Variants in HTR1F observed in about 807,000 individuals in gnomAD.
The protein encoded by HTR1F is 5-hydroxytryptamine receptor 1F.
In HTR1F, 17 loss-of-function variants were observed where a neutral mutation model predicts 24.0. The observed-to-expected ratio is 0.71, with a 90% CI of 0.48 to 1.06. HTR1F has a LOEUF of 1.06. Ranked by LOEUF, HTR1F falls within the 50% of genes least tolerant of loss-of-function variation. The pLI is 0.00. For synonymous variants in HTR1F, 186 were observed against 156.8 expected, an observed-to-expected ratio of 1.19 and a Z score of -1.39; for missense variants, 391 against 427.8, an observed-to-expected ratio of 0.91 and a Z score of 0.76.
chr3:87,987,860 T>A lies in HTR1F; in HGVS notation c.-42-2848T>A, dbSNP rs1424574725. Among the ~76,000 whole-genome samples the A allele has an allele frequency of 1.2e-4, 18 of 146,172 alleles. 1 individual carries two copies. The highest frequency in any genetic ancestry group is 5.9e-4 in the East Asian group (3 of 5,118). On this transcript the variant is annotated intron_variant, in intron 2 of 2. Transcript: ENST00000319595. ...TATGTATTATATGTATATATGTATTTTATATATATATGCCAGTGTAAAATA... is the reference window on the plus strand; with the variant it reads ...TATGTATTATATGTATATATGTATTATATATATATATGCCAGTGTAAAATA...
chr3:87,940,947 T>C lies in HTR1F; in HGVS notation c.-42-49761T>C, dbSNP rs1351824277. The stretch of plus-strand genomic sequence containing the variant: ...CTGCTTCAGACACTAAGACTGCTAC[T>C]GCCGCCACTACCTGTAAACAATGAG... On this transcript the variant is annotated intron_variant, in intron 2 of 2. Transcript: ENST00000319595. Among the ~76,000 whole-genome samples the C allele has an allele frequency of 3.9e-5, 6 of 152,246 alleles. No individual in the cohort carries two copies. The East Asian group carries it at 1.2e-3, about 29-fold the overall frequency.
At chr3:87,924,092 G>T (rs903670320) in intron 2 of HTR1F, among the ~76,000 whole-genome samples, 1 of 151,996 alleles carries the variant, frequency 6.6e-6, no homozygotes, top group Non-Finnish European at 1.5e-5. Flanking sequence ...TTAAAATTTT[G>T]GTAGGATTCA....
chr3:87,991,459 G>C lies in HTR1F; in HGVS notation c.710G>C (p.Ser237Thr). ...GQVLLESGEK[S>T]TKSVSTSYVL... ...GTCCTTTTGGAGAGTGGTGAGAAAA[G>C]CACTAAATCAGTTTCCACATCCTAT... is the stretch of plus-strand genomic sequence containing the variant. The change falls in exon 3 of 3, where the codon AGC becomes ACC. Residue 237 changes from serine (S) to threonine (T), a missense_variant. Physicochemically the swap from Ser to Thr is moderately conservative, Grantham distance 58. Coordinates refer to ENST00000319595, the MANE Select transcript of HTR1F (RefSeq NM_001322209.2). 1 of 1,614,078 alleles carries C rather than the reference G, an allele frequency of 6.2e-7. No individual in the cohort carries two copies. Among genetic ancestry groups the C allele is most frequent in the Non-Finnish European group, 8.5e-7 (1 of 1,179,988 alleles).
intron 2 of HTR1F, among the ~76,000 whole-genome samples, chr3:87,938,542 T>G (rs528372098): frequency 1.3e-5 from 2 of 152,086 alleles, no homozygotes; most frequent in South Asian, 2.1e-4. Flanking sequence ...CAAACTATAC[T>G]ACAAGGCTAC....
chr3:87,868,059 A>C (rs761671987), intron 2 of HTR1F, among the ~76,000 whole-genome samples: 12 of 152,044 alleles, frequency 7.9e-5, no homozygotes, highest in Non-Finnish European at 1.8e-4. Context: ...GTTATTTCTT[A>C]ATGCACTACT....
chr3:87,956,789 T>C (rs937960129), intron 2 of HTR1F, among the ~76,000 whole-genome samples: 38 of 151,516 alleles, frequency 2.5e-4, no homozygotes, highest in African/African-American at 8.7e-4. Context: ...TTTGCTATTA[T>C]ATAAAACTAC....
chr3:87,806,660 A>G (rs975439976), intron 1 of HTR1F, among the ~76,000 whole-genome samples: 1 of 151,908 alleles, frequency 6.6e-6, no homozygotes, highest in Non-Finnish European at 1.5e-5. Context: ...TTAGTTTAAT[A>G]TAGTCCAATT....
At chr3:87,963,467 T>A (rs1705103735) in intron 2 of HTR1F, among the ~76,000 whole-genome samples, 1 of 152,168 alleles carries the variant, frequency 6.6e-6, no homozygotes, top group Admixed American at 6.6e-5. Flanking sequence ...TTTCACTAAA[T>A]CTTTATTTGT....
At chr3:87,819,933 T>C (rs186112724) in intron 1 of HTR1F, among the ~76,000 whole-genome samples, 5 of 152,200 alleles carry the variant, frequency 3.3e-5, no homozygotes, top group Admixed American at 3.3e-4. Context: ...CTCTTAAAAT[T>C]ATTGGGCCAG....
chr3:87,814,102 G>A (rs1704207149), intron 1 of HTR1F, among the ~76,000 whole-genome samples: 1 of 152,098 alleles, frequency 6.6e-6, no homozygotes, highest in African/African-American at 2.4e-5. Context: ...CTTGTGCCTG[G>A]TGGTATGCAC....
chr3:87,939,478 A>G (rs1704508016), intron 2 of HTR1F, among the ~76,000 whole-genome samples: 1 of 152,172 alleles, frequency 6.6e-6, no homozygotes, highest in East Asian at 1.9e-4. Flanking sequence ...CTCTAGTAGA[A>G]TCCAGCTGTA....
intron 2 of HTR1F, among the ~76,000 whole-genome samples, chr3:87,852,973 T>A (rs546044588): frequency 9.9e-5 from 15 of 151,576 alleles, no homozygotes; most frequent in Non-Finnish European, 1.9e-4. Context: ...TGGCTGTTTT[T>A]TTTTTTTGCT....
chr3:87,945,074 G>GTCTCTCTCTCTCCTCCATC (rs1553680838), intron 2 of HTR1F, among the ~76,000 whole-genome samples: 19 of 150,328 alleles, frequency 1.3e-4, no homozygotes, highest in African/African-American at 4.6e-4. Flanking sequence ...TCTCTTCTCT[G>GTCTCTCTCTCTCCTCCATC]TCTCTCTCTC....
chr3:87,815,289 AAT>A lies in HTR1F; in HGVS notation c.-159-6704_-159-6703del, dbSNP rs113697106. On this transcript the variant is annotated intron_variant, in intron 1 of 2. Transcript: ENST00000319595. Reference sequence around the variant, plus strand: ...GATTTAGAACATTGTGGGTGAATCAAATATATATATATATATGAACTGATACA... The same window carrying A: ...GATTTAGAACATTGTGGGTGAATCAAATATATATATATATGAACTGATACA... Among the ~76,000 whole-genome samples, 598 of 149,834 alleles carry A rather than the reference AAT, an allele frequency of 4.0e-3. 6 individuals carry two copies. Among genetic ancestry groups the A allele is most frequent in the African/African-American group, 0.014 (566 of 41,064 alleles).
intron 2 of HTR1F, among the ~76,000 whole-genome samples, chr3:87,958,228 TA>T (rs750862326): frequency 6.6e-6 from 1 of 151,616 alleles, no homozygotes; most frequent in Non-Finnish European, 1.5e-5. Flanking sequence ...ATTCTAAATA[TA>T]AATTAGACCA....
At chr3:87,913,493 T>C (rs1703825333) in intron 2 of HTR1F, among the ~76,000 whole-genome samples, 1 of 152,162 alleles carries the variant, frequency 6.6e-6, no homozygotes, top group Non-Finnish European at 1.5e-5. Context: ...GAGTGTAAAT[T>C]AGTTCAACCA....
At chr3:87,907,620 A>AC (rs1703695901) in intron 2 of HTR1F, among the ~76,000 whole-genome samples, 1 of 152,028 alleles carries the variant, frequency 6.6e-6, no homozygotes, top group African/African-American at 2.4e-5. Context: ...AAATATTCAC[A>AC]CCATATCAAC....
chr3:87,863,230 G>A (rs375258644), intron 2 of HTR1F, among the ~76,000 whole-genome samples: 1 of 152,134 alleles, frequency 6.6e-6, no homozygotes, highest in African/African-American at 2.4e-5. Flanking sequence ...TTTGAGTTTG[G>A]GGGGGTTTTG....
At chr3:87,918,703 C>T (rs1429548191) in intron 2 of HTR1F, among the ~76,000 whole-genome samples, 2 of 152,034 alleles carry the variant, frequency 1.3e-5, no homozygotes, top group African/African-American at 4.8e-5. Context: ...CTACGAAACA[C>T]TGCTGAAAGA....
Sources: allele counts gnomAD v4.1 joint callset (sites outside exome capture counted in the v4.1 genomes callset), GRCh38; gene constraint gnomAD v4.1.1; transcripts MANE v1.5; gene names NCBI Gene and HGNC (gene_info 2026-07-23, HGNC 2026-07-21).